The following ACOXL variants were observed in gnomAD, a reference collection of about 807,000 sequenced individuals.
The protein encoded by ACOXL is acyl-CoA oxidase like.
A neutral mutation model predicts 71.9 loss-of-function variants in ACOXL; 70 were observed. The ratio of observed to expected loss-of-function variants is 0.97; its 90% CI spans 0.80 to 1.19. The LOEUF (loss-of-function observed/expected upper bound fraction) is 1.19. Ranked by LOEUF, ACOXL falls within the 50% of genes most tolerant of loss-of-function variation. The probability of loss-of-function intolerance (pLI) is 0.00; values close to 1 mark genes in which losing one functional copy is unlikely to be tolerated. For missense variants in ACOXL, 703 were observed against 736.3 expected (o/e 0.95, Z 0.52); for synonymous variants, 253 against 281.6 (o/e 0.90, Z 1.02).
intron 12 of ACOXL, among the ~76,000 whole-genome samples, chr2:110,948,272 C>T (rs376040573): frequency 6.6e-6 from 1 of 152,214 alleles, no homozygotes; most frequent in Non-Finnish European, 1.5e-5. Flanking sequence ...TGTAATCCAT[C>T]CGGGCAGCGA....
chr2:111,034,944 G>A lies in ACOXL; in HGVS notation c.1369+3230G>A, dbSNP rs371112405. Among the ~76,000 whole-genome samples, 276 of 149,606 alleles carry A rather than the reference G, an allele frequency of 1.8e-3. 1 individual carries two copies. The highest frequency in any genetic ancestry group is 6.2e-3 in the African/African-American group (253 of 40,500). ...AGTCTTTTTTTTTTTTTTTGACGGA[G>A]TCTCGCTCTGTCGCCCAGGCTGGAG... On this transcript the variant is annotated intron_variant, in intron 15 of 17. Coordinates refer to ENST00000439055, the MANE Select transcript of ACOXL (RefSeq NM_001142807.4).
chr2:110,983,184 ACT>A (rs1460114091), intron 12 of ACOXL, among the ~76,000 whole-genome samples: 1 of 152,034 alleles, frequency 6.6e-6, no homozygotes, highest in Non-Finnish European at 1.5e-5. Context: ...TTGGCAGCAA[ACT>A]CTACTTGTTA....
At chr2:110,812,881 G>A (rs903698445) in intron 9 of ACOXL, among the ~76,000 whole-genome samples, 10 of 152,222 alleles carry the variant, frequency 6.6e-5, no homozygotes, top group African/African-American at 9.6e-5. Flanking sequence ...TGGTGCATCC[G>A]GGTAGCTGAA....
At chr2:110,871,933 TAA>T (rs1695330184) in intron 10 of ACOXL, among the ~76,000 whole-genome samples, 1 of 152,234 alleles carries the variant, frequency 6.6e-6, no homozygotes, top group African/African-American at 2.4e-5. Flanking sequence ...GGTGTTTCAG[TAA>T]TCCACCTCTG....
chr2:110,907,558 G>C (rs1483284897), intron 10 of ACOXL, among the ~76,000 whole-genome samples: 1 of 152,120 alleles, frequency 6.6e-6, no homozygotes, highest in African/African-American at 2.4e-5. Context: ...GGATGGAGGG[G>C]CAGGCATGGA....
chr2:111,114,075 G>A (rs555809769), intron 17 of ACOXL: 8 of 152,740 alleles, frequency 5.2e-5, no homozygotes, highest in East Asian at 1.9e-4. Flanking sequence ...TGCATTAACC[G>A]GTGATAATGA....
At chr2:111,029,122 C>G (rs559489299) in intron 14 of ACOXL, among the ~76,000 whole-genome samples, 2 of 152,340 alleles carry the variant, frequency 1.3e-5, no homozygotes, top group East Asian at 3.9e-4. Context: ...GTGCTTAAAA[C>G]AGAGCCTGTT....
At chr2:111,062,190 A>T (rs2066851267) in intron 16 of ACOXL, among the ~76,000 whole-genome samples, 1 of 152,100 alleles carries the variant, frequency 6.6e-6, no homozygotes, top group African/African-American at 2.4e-5. Context: ...ATATCAGATA[A>T]AGTGACATCA....
chr2:110,992,806 A>T (rs904391309), intron 13 of ACOXL, among the ~76,000 whole-genome samples: 1 of 152,132 alleles, frequency 6.6e-6, no homozygotes, highest in Non-Finnish European at 1.5e-5. Flanking sequence ...TCCCACTCTC[A>T]TCAGCCTGTG....
intron 11 of ACOXL, among the ~76,000 whole-genome samples, chr2:110,918,357 T>A (rs1558727353): frequency 6.6e-6 from 1 of 152,204 alleles, no homozygotes; most frequent in Non-Finnish European, 1.5e-5. Context: ...GCTAGCCATA[T>A]ACAGAAAACT....
chr2:111,040,030 A>G (rs1390006172), intron 15 of ACOXL, among the ~76,000 whole-genome samples: 5 of 152,242 alleles, frequency 3.3e-5, no homozygotes, highest in East Asian at 3.8e-4. Flanking sequence ...AGTTTAAGAC[A>G]AAATAAATTT....
chr2:110,798,557 G>A (rs1685558030), intron 5 of ACOXL, 53 bp from the exon 6 acceptor site: 1 of 1,459,994 alleles, frequency 6.8e-7, no homozygotes, highest in Non-Finnish European at 9.6e-7. Context: ...GAGCCAGGGA[G>A]TTGAAATGAG....
intron 10 of ACOXL, among the ~76,000 whole-genome samples, chr2:110,896,435 A>G (rs1421537602): frequency 6.6e-6 from 1 of 152,194 alleles, no homozygotes; most frequent in Non-Finnish European, 1.5e-5. Flanking sequence ...ATAGAGCTTG[A>G]CAAAGTGTAT....
At chr2:110,803,512 A>G (rs1686249027) in intron 8 of ACOXL, among the ~76,000 whole-genome samples, 1 of 152,216 alleles carries the variant, frequency 6.6e-6, no homozygotes, top group African/African-American at 2.4e-5. Context: ...CCATATACAA[A>G]AATCAACTCA....
intron 10 of ACOXL, among the ~76,000 whole-genome samples, chr2:110,869,195 T>C (rs1346066021): frequency 6.6e-6 from 1 of 152,192 alleles, no homozygotes; most frequent in African/African-American, 2.4e-5. Context: ...CTCCCCTATT[T>C]GTGCTCTCAC....
At chr2:110,933,187 T>C (rs2060539313) in intron 11 of ACOXL, among the ~76,000 whole-genome samples, 1 of 152,220 alleles carries the variant, frequency 6.6e-6, no homozygotes, top group Non-Finnish European at 1.5e-5. Flanking sequence ...TAACTATCAA[T>C]AAACATAGAG....
At chr2:110,794,266 C>T in intron 5 of ACOXL, 92 bp downstream of exon 5, 1 of 1,214,338 alleles carries the variant, frequency 8.2e-7, no homozygotes, top group Non-Finnish European at 1.2e-6. Context: ...TTCACACCCT[C>T]TGTGTGTGCT....
intron 6 of ACOXL, 114 bp downstream of exon 6, chr2:110,798,838 T>C: frequency 8.5e-7 from 1 of 1,171,784 alleles, no homozygotes; most frequent in South Asian, 1.3e-5. Flanking sequence ...ACTAACTTTA[T>C]CTCCTAATAT....
intron 1 of ACOXL, among the ~76,000 whole-genome samples, chr2:110,743,999 G>T (rs1263995151): frequency 6.6e-6 from 1 of 152,176 alleles, no homozygotes; most frequent in Admixed American, 6.5e-5. Context: ...CTGCCTCTGG[G>T]GCCCCCCAGG....
Sources: allele counts gnomAD v4.1 joint callset (sites outside exome capture counted in the v4.1 genomes callset), GRCh38; gene constraint gnomAD v4.1.1; transcripts MANE v1.5; gene names NCBI Gene and HGNC (gene_info 2026-07-23, HGNC 2026-07-21).